Variants in SF3B1 observed in about 807,000 individuals in gnomAD.
SF3B1 encodes pre-mRNA processing 10.
Under a neutral mutation model 153.8 loss-of-function variants are expected in SF3B1, and 12 were observed. That is an observed-to-expected ratio of 0.08 (90% confidence interval 0.05 to 0.13). SF3B1 has a LOEUF of 0.13. Ranked by LOEUF, SF3B1 falls within the 10% of genes least tolerant of loss-of-function variation. The pLI is 1.00. For synonymous variants in SF3B1, 498 were observed against 525.2 expected (o/e 0.95, Z 0.71); for missense variants, 513 against 1,606.1 (o/e 0.32, Z 11.63).
At chr2:197,421,749 C>T (rs1346360317) in intron 2 of SF3B1, among the ~76,000 whole-genome samples, 4 of 151,890 alleles carry the variant, frequency 2.6e-5, no homozygotes, top group Non-Finnish European at 4.4e-5. Flanking sequence ...GAGGCCGAGG[C>T]AAGGGACTAA....
intron 6 of SF3B1, among the ~76,000 whole-genome samples, chr2:197,416,200 A>G (rs922264293): frequency 2.6e-5 from 4 of 152,090 alleles, no homozygotes; most frequent in African/African-American, 9.7e-5. Context: ...ATTTGCTGCC[A>G]GTAGTGAGGG....
chr2:197,419,788 G>C (rs1488849925), intron 4 of SF3B1: 1 of 224,674 alleles, frequency 4.5e-6, no homozygotes, highest in Non-Finnish European at 8.9e-6. Flanking sequence ...ACCTGCAGCA[G>C]AATCTAATTT....
chr2:197,393,720 G>A (rs1188741483), intron 23 of SF3B1, among the ~76,000 whole-genome samples: 1 of 151,886 alleles, frequency 6.6e-6, no homozygotes, highest in Non-Finnish European at 1.5e-5. Flanking sequence ...CAAAGTACAG[G>A]GATTACAGGC....
intron 24 of SF3B1, among the ~76,000 whole-genome samples, 167 bp downstream of exon 24, chr2:197,392,805 T>C (rs916272591): frequency 2.0e-5 from 3 of 152,072 alleles, no homozygotes; most frequent in African/African-American, 7.2e-5. Flanking sequence ...AAATACCTAA[T>C]GCATGCAGGG....
intron 23 of SF3B1, among the ~76,000 whole-genome samples, chr2:197,394,593 G>A (rs1452164185): frequency 6.6e-6 from 1 of 152,114 alleles, no homozygotes; most frequent in Non-Finnish European, 1.5e-5. Flanking sequence ...AACACAATGG[G>A]ATTTGCAATG....
intron 9 of SF3B1, among the ~76,000 whole-genome samples, chr2:197,406,596 G>C (rs1403470762): frequency 6.6e-6 from 1 of 152,114 alleles, no homozygotes; most frequent in Non-Finnish European, 1.5e-5. Context: ...TTCACTAAGG[G>C]AGACTTTTCC....
Position 197,416,823 on chromosome 2 carries a change from T to C in SF3B1, c.584A>G (p.Lys195Arg), listed in dbSNP as rs1559272968. The C allele has an allele frequency of 1.2e-6, 2 of 1,614,232 alleles. No individual in the cohort carries two copies. Among genetic ancestry groups the C allele is most frequent in the Non-Finnish European group, 1.7e-6 (2 of 1,180,034 alleles). ...TGTTTGATCCCAACGCCGTTTTCGT[T>C]TTGATGGAGGCTGGGACGCTGCTGC... ...NGAAASQPPS[K>R]RKRRWDQTAD... Residue 195 changes from lysine to arginine, a missense_variant, in exon 6 of 25, where the codon AAA becomes AGA. Transcript: ENST00000335508.
chr2:197,406,877 T>C (rs2084999895), intron 9 of SF3B1, among the ~76,000 whole-genome samples: 1 of 151,974 alleles, frequency 6.6e-6, no homozygotes, highest in African/African-American at 2.4e-5. Context: ...ACTTTGAGCC[T>C]AGGAGTTTGA....
At chr2:197,416,489 G>A (rs544979316) in intron 6 of SF3B1, 2 of 367,478 alleles carry the variant, frequency 5.4e-6, no homozygotes, top group East Asian at 4.4e-5. Flanking sequence ...CATAGGAAGA[G>A]CATGGACAAC....
chr2:197,431,998 G>A (rs574153360), intron 1 of SF3B1, among the ~76,000 whole-genome samples: 1 of 152,170 alleles, frequency 6.6e-6, no homozygotes, highest in Non-Finnish European at 1.5e-5. Context: ...GGTAGCACAC[G>A]CCTGTAGTTG....
intron 21 of SF3B1, 30 bp downstream of exon 21, chr2:197,398,431 C>T (rs2084900696): frequency 6.2e-7 from 1 of 1,610,024 alleles, no homozygotes; most frequent in Non-Finnish European, 8.5e-7. Flanking sequence ...ATTGATACTG[C>T]TTATAAAAAT....
At chr2:197,418,406 T>A in intron 5 of SF3B1, 103 bp downstream of exon 5, 1 of 763,710 alleles carries the variant, frequency 1.3e-6, no homozygotes, top group Non-Finnish European at 2.1e-6. Context: ...ATTAATACTA[T>A]TATTTGTGCA....
At position 197,421,628 on chromosome 2, in the gene SF3B1, T is replaced by C. The variant is rs181019502; in HGVS notation, c.196-495A>G. 4.6e-5 allele frequency among the ~76,000 whole-genome samples: 7 copies of C among 152,264 alleles called. No individual in the cohort carries two copies. In the East Asian group the frequency reaches 1.3e-3, roughly 29 times the overall value. On this transcript the variant is annotated intron_variant, in intron 2 of 24. Transcript: ENST00000335508. ...TTTCTAGTATAAAAAGTACAACTGT[T>C]TGGGAGGCCAAGGTGGGAGAATGGC...
At position 197,425,141 on chromosome 2, in the gene SF3B1, A is replaced by G. The variant is rs1171524937; in HGVS notation, c.29-1167T>C. ...CCACTGCACTTTAGCCTGGGCAAAG[A>G]GCAAAACTCATCTCAAATAAATAAA... On this transcript the variant is annotated intron_variant, in intron 1 of 24. Transcript: ENST00000335508. Among the ~76,000 whole-genome samples the G allele has an allele frequency of 7.9e-5, 12 of 151,824 alleles. No homozygotes were observed. In the East Asian group the frequency reaches 2.2e-3, roughly 27 times the overall value.
chr2:197,392,713 C>T (rs529745335), intron 24 of SF3B1, among the ~76,000 whole-genome samples: 5 of 152,024 alleles, frequency 3.3e-5, no homozygotes, highest in African/African-American at 1.2e-4. Context: ...TAATTCAATA[C>T]ACTACTTTTC....
intron 1 of SF3B1, among the ~76,000 whole-genome samples, chr2:197,425,987 G>C (rs1215813596): frequency 6.6e-6 from 1 of 151,930 alleles, no homozygotes; most frequent in African/African-American, 2.4e-5. Context: ...ATGAGAGAGA[G>C]ACTGTCTCAG....
chr2:197,403,095 T>C lies in SF3B1; in HGVS notation c.1720-60A>G, dbSNP rs905579112. 169 of 1,208,358 alleles carry C rather than the reference T, an allele frequency of 1.4e-4. 1 individual carries two copies. The African/African-American group carries it at 2.2e-3, about 16-fold the overall frequency. The allele number at this position is 1,208,358 out of a possible 1,614,324, so 74.9% of individuals were successfully genotyped here. On this transcript the variant is annotated intron_variant, in intron 12 of 24. Coordinates refer to ENST00000335508, the MANE Select transcript of SF3B1 (RefSeq NM_012433.4). Reference sequence around the variant, plus strand: ...ACATCAATTACTGATGAAATGCTCATGTACAGAATTAAACATACATAAGAA... The same window carrying C: ...ACATCAATTACTGATGAAATGCTCACGTACAGAATTAAACATACATAAGAA...
rs189244433 is a variant in SF3B1 at position 197,427,849 on chromosome 2, T to C, written c.29-3875A>G. On this transcript the variant is annotated intron_variant, in intron 1 of 24. Coordinates refer to ENST00000335508, the MANE Select transcript of SF3B1 (RefSeq NM_012433.4). ...GCCTGGCCAAGATGGTGAAACCCCA[T>C]CTCTACTAAAAATATAAAAATTAGC... Among the ~76,000 whole-genome samples the C allele has an allele frequency of 5.9e-5, 9 of 152,102 alleles. No individual in the cohort carries two copies. The East Asian group carries it at 1.7e-3, about 29-fold the overall frequency.
chr2:197,421,047 T>C lies in SF3B1; in HGVS notation c.282A>G (p.Ile94Met). 6.2e-7 allele frequency: 1 copy of C among 1,606,762 alleles called. No individual in the cohort carries two copies. The highest frequency in any genetic ancestry group is 8.5e-7 in the Non-Finnish European group (1 of 1,174,098). Reference protein sequence around the residue: ...YHAPVALLNDIPQSTEQYDPF... With the variant: ...YHAPVALLNDMPQSTEQYDPF... ...AGATCACCTGTTCTGTTGACTGTGG[T>C]ATATCATTAAGCAATGCCACAGGGG... The change falls in exon 3 of 25, where the codon ATA becomes ATG. Residue 94 changes from isoleucine to methionine, a missense_variant. Physicochemically the swap from Ile to Met is conservative, Grantham distance 10. This residue lies in a region of SF3B1 where 56 missense variants were observed against 75.6 expected (regional missense o/e 0.74). Transcript: ENST00000335508.
Sources: allele counts gnomAD v4.1 joint callset (sites outside exome capture counted in the v4.1 genomes callset), GRCh38; gene constraint gnomAD v4.1.1; regional missense constraint gnomAD v4.1.1; transcripts MANE v1.5; gene names NCBI Gene and HGNC (gene_info 2026-07-23, HGNC 2026-07-21).